The following ABHD15 variants were observed in gnomAD, a reference collection of about 807,000 sequenced individuals.
ABHD15 encodes the protein abhydrolase domain containing 15.
Under a neutral mutation model 34.4 loss-of-function variants are expected in ABHD15, and 34 were observed. The ratio of observed to expected loss-of-function variants is 0.99; its 90% confidence interval spans 0.75 to 1.32. The LOEUF is 1.32. ABHD15 is among the 40% of genes most tolerant of loss of function. The pLI, the probability that ABHD15 is intolerant of heterozygous loss-of-function variation, is 0.00. For missense variants in ABHD15, 644 were observed against 650.4 expected (o/e 0.99, Z 0.11); for synonymous variants, 314 against 299.2 (o/e 1.05, Z -0.51).
Position 29,566,918 on chromosome 17 carries a change from G to C in ABHD15, c.49C>G (p.Leu17Val), listed in dbSNP as rs1019363003. The change falls in exon 1 of 2, where the codon CTT becomes GTT. Residue 17 changes from leucine (L) to valine (V), a missense_variant. Physicochemically the swap from Leu to Val is conservative, Grantham distance 32 (BLOSUM62 1). Transcript: ENST00000307201. Reference sequence around the variant, plus strand: ...AGCCGCGGGCCGAGCAGGCCGAGAAGGGCGAGCACGGCCAAGATGAGCGCG... The same window carrying C: ...AGCCGCGGGCCGAGCAGGCCGAGAACGGCGAGCACGGCCAAGATGAGCGCG... ...ALALILAVLA[L>V]LGLLGPRLRG... is the part of the protein sequence containing the mutation. 42 of 1,483,920 alleles carry C rather than the reference G, an allele frequency of 2.8e-5. No homozygotes were observed. The highest frequency in any genetic ancestry group is 3.7e-5 in the Non-Finnish European group (42 of 1,126,182). The allele number at this position is 1,483,920 out of a possible 1,614,324, so 91.9% of individuals were successfully genotyped here.
Position 29,566,503 on chromosome 17 carries a change from C to A in ABHD15, c.464G>T (p.Gly155Val). The change falls in exon 1 of 2, where the codon GGC becomes GTC. Residue 155 changes from glycine to valine, a missense_variant. Physicochemically the swap from Gly to Val is moderately radical, Grantham distance 109. Transcript: ENST00000307201. ...GATCACCAGAAGCACCGCAGGAAGG[C>A]CCCCGGCGCTGGTGATCCGGCGGCC... is the stretch of plus-strand genomic sequence containing the variant. ...VRGRRITSAGGLPAVLLVIPN... is the reference protein window; with the variant it reads ...VRGRRITSAGVLPAVLLVIPN... 5 of 1,610,836 alleles carry A rather than the reference C, an allele frequency of 3.1e-6. No homozygotes were observed. Among genetic ancestry groups the A allele is most frequent in the Non-Finnish European group, 4.2e-6 (5 of 1,179,612 alleles).
At position 29,562,804 on chromosome 17, in the gene ABHD15, G is replaced by C. The variant is rs567633454; in HGVS notation, c.1164C>G (p.His388Gln). 2 of 1,613,366 alleles carry C rather than the reference G, an allele frequency of 1.2e-6. No individual in the cohort carries two copies. Among genetic ancestry groups the C allele is most frequent in the Non-Finnish European group, 1.7e-6 (2 of 1,179,400 alleles). Residue 388 changes from histidine (H) to glutamine (Q), a missense_variant, in exon 2 of 2, where the codon CAC (histidine) becomes CAG (glutamine). Physicochemically the swap from His to Gln is conservative, Grantham distance 24 (BLOSUM62 0). Transcript: ENST00000307201. ...NPYFFLLLSR[H>Q]GGHCGFLRQE... The stretch of plus-strand genomic sequence containing the variant: ...GGCGCAGGAAGCCACAGTGGCCTCC[G>C]TGGCGACTGAGCAGGAGGAAGAAGT...
rs1011829753 is a variant in ABHD15 at position 29,566,731 on chromosome 17, A to G, written c.236T>C (p.Leu79Pro). 1 of 1,565,796 alleles carries G rather than the reference A, an allele frequency of 6.4e-7. No individual in the cohort carries two copies. Among genetic ancestry groups the G allele is most frequent in the Admixed American group, 1.8e-5 (1 of 54,436 alleles). ...CAGGGCGCGCAGCAGGCACTGGGCC[A>G]GGGCCGACGGCTTGCAAACAAGGCT... Reference protein sequence around the residue: ...GCSLVCKPSALAQCLLRALRR... With the variant: ...GCSLVCKPSAPAQCLLRALRR... The change falls in exon 1 of 2, where the codon CTG becomes CCG. Residue 79 changes from leucine (L) to proline (P), a missense_variant. Coordinates refer to ENST00000307201, the MANE Select transcript of ABHD15 (RefSeq NM_198147.3).
intron 1 of ABHD15, among the ~76,000 whole-genome samples, chr17:29,564,899 A>C (rs2032678056): frequency 6.6e-6 from 1 of 152,140 alleles, no homozygotes; most frequent in South Asian, 2.1e-4. Flanking sequence ...TCAAGGCTGC[A>C]ATGAGTGGTG....
rs924408839 is a variant in ABHD15 at position 29,566,809 on chromosome 17, C to T, written c.158G>A (p.Gly53Glu). The T allele has an allele frequency of 2.2e-5, 33 of 1,515,592 alleles. No homozygotes were observed. Among genetic ancestry groups the T allele is most frequent in the Admixed American group, 6.1e-5 (3 of 49,390 alleles). The allele number at this position is 1,515,592 out of a possible 1,614,324, so 93.9% of individuals were successfully genotyped here. A position where few individuals can be genotyped will look rare whatever the true frequency, so the allele number is the denominator to read the frequency against. ...GTCGCTGAACTGGTCCGCCGGGCCTCCGCCGTCCGCCTCCTCCCCGTCGTC... is the reference window on the plus strand; with the variant it reads ...GTCGCTGAACTGGTCCGCCGGGCCTTCGCCGTCCGCCTCCTCCCCGTCGTC... ...DRDDGEEADGGGPADQFSDGR... is the reference protein window; with the variant it reads ...DRDDGEEADGEGPADQFSDGR... The change falls in exon 1 of 2, where the codon GGA becomes GAA. Residue 53 changes from glycine to glutamate, a missense_variant. Gly to Glu is a moderately conservative substitution (Grantham distance 98). Transcript: ENST00000307201.
chr17:29,566,987 G>A lies in ABHD15; in HGVS notation c.-21C>T. On this transcript the variant is annotated 5_prime_UTR_variant, in exon 1 of 2. Coordinates refer to ENST00000307201, the MANE Select transcript of ABHD15 (RefSeq NM_198147.3). ...GGCATGGCGAAGCTGGAGAGCCCCG[G>A]CGGGCAGCGGGCGGCGGGGCCGTCT... 1.5e-6 allele frequency: 2 copies of A among 1,293,180 alleles called. No individual in the cohort carries two copies. The highest frequency in any genetic ancestry group is 9.7e-7 in the Non-Finnish European group (1 of 1,026,182). The allele number at this position is 1,293,180 out of a possible 1,614,324, so 80.1% of individuals were successfully genotyped here.
At position 29,562,100 on chromosome 17, in the gene ABHD15, A is replaced by T. The variant is rs1268470550; in HGVS notation, c.*461T>A. 1 of 154,256 alleles carries T rather than the reference A, an allele frequency of 6.5e-6. No homozygotes were observed. The highest frequency in any genetic ancestry group is 1.4e-5 in the Non-Finnish European group (1 of 69,404). The allele number at this position is 154,256 out of a possible 1,614,324, so 9.6% of individuals were successfully genotyped here. A position where few individuals can be genotyped will look rare whatever the true frequency, so the allele number is the denominator to read the frequency against. ...AGCAGGGCGCCACAACCACAGAGCA[A>T]ATGAGGGAAGTGGGGCCGAGACACA... On this transcript the variant is annotated 3_prime_UTR_variant, in exon 2 of 2. Coordinates refer to ENST00000307201, the MANE Select transcript of ABHD15 (RefSeq NM_198147.3).
intron 1 of ABHD15, among the ~76,000 whole-genome samples, chr17:29,564,471 G>A (rs1374940676): frequency 6.6e-6 from 1 of 152,160 alleles, no homozygotes; most frequent in Admixed American, 6.5e-5. Context: ...CTAGACCCCT[G>A]GAGAGGGCTT....
At chr17:29,565,328 T>C (rs1217482102) in intron 1 of ABHD15, among the ~76,000 whole-genome samples, 1 of 152,080 alleles carries the variant, frequency 6.6e-6, no homozygotes, top group Non-Finnish European at 1.5e-5. Flanking sequence ...TGTATATATA[T>C]ATATAACATT....
chr17:29,562,957 G>A lies in ABHD15; in HGVS notation c.1011C>T (p.Asp337=). ...SFPISWDTYW[D]RNDPLRDVDE... is the part of the protein sequence containing the mutation. Reference sequence around the variant, plus strand: ...CGACATCCCGGAGCGGGTCGTTGCGGTCCCAGTAGGTATCCCAGCTGATGG... The same window carrying A: ...CGACATCCCGGAGCGGGTCGTTGCGATCCCAGTAGGTATCCCAGCTGATGG... The change falls in exon 2 of 2, where the codon GAC becomes GAT. Residue 337 remains aspartate (D), a synonymous_variant. Coordinates refer to ENST00000307201, the MANE Select transcript of ABHD15 (RefSeq NM_198147.3). 2 of 1,614,094 alleles carry A rather than the reference G, an allele frequency of 1.2e-6. No individual in the cohort carries two copies. Among genetic ancestry groups the A allele is most frequent in the Non-Finnish European group, 1.7e-6 (2 of 1,180,046 alleles).
chr17:29,562,830 A>G lies in ABHD15; in HGVS notation c.1138T>C (p.Tyr380His). The part of the protein sequence containing the change: ...LTTELFHSNP[Y>H]FFLLLSRHGG... ...TGGCGACTGAGCAGGAGGAAGAAGT[A>G]GGGGTTGCTGTGGAAGAGTTCAGTT... The change falls in exon 2 of 2, where the codon TAC becomes CAC. Residue 380 changes from tyrosine (Y) to histidine (H), a missense_variant. By Grantham distance (83) the Tyr-to-His change is moderately conservative. Coordinates refer to ENST00000307201, the MANE Select transcript of ABHD15 (RefSeq NM_198147.3). 6.2e-7 allele frequency: 1 copy of G among 1,613,712 alleles called. No individual in the cohort carries two copies. Among genetic ancestry groups the G allele is most frequent in the East Asian group, 2.2e-5 (1 of 44,860 alleles).
In ABHD15 at chr17:29,562,651, A is replaced by G. The variant is rs138073270; in HGVS notation, c.1317T>C (p.Arg439=). The G allele has an allele frequency of 1.2e-3, 2,015 of 1,614,030 alleles. 19 individuals are homozygous for G. The African/African-American group carries it at 0.022, about 18-fold the overall frequency. The change falls in exon 2 of 2, where the codon CGT becomes CGC. Residue 439 remains arginine (R), a synonymous_variant. Coordinates refer to ENST00000307201, the MANE Select transcript of ABHD15 (RefSeq NM_198147.3). ...GCCTCTGCAAGGCTCCCCCACGACG[A>G]CGGCCCCCAAGGAAGGAAGCTCTGT... ...SRHRASFLGG[R]RRGGALQRRE...
rs2032629649 is a variant in ABHD15, at chr17:29,561,656, C to T, written c.*905G>A. 6.6e-6 allele frequency: 1 copy of T among 152,536 alleles called. No homozygotes were observed. Among genetic ancestry groups the T allele is most frequent in the Non-Finnish European group, 1.5e-5 (1 of 68,034 alleles). The allele number at this position is 152,536 out of a possible 1,614,324, so 9.4% of individuals were successfully genotyped here. Reference sequence around the variant, plus strand: ...AAAGGGAGCAACCAACCAGAAAACACCTAAGTTATGAGGTTTGTGCTTTTC... The same window carrying T: ...AAAGGGAGCAACCAACCAGAAAACATCTAAGTTATGAGGTTTGTGCTTTTC... On this transcript the variant is annotated 3_prime_UTR_variant, in exon 2 of 2. Coordinates refer to ENST00000307201, the MANE Select transcript of ABHD15 (RefSeq NM_198147.3).
rs368102267 is a variant in ABHD15, at chr17:29,562,731, G to A, written c.1237C>T (p.Arg413Trp). The change falls in exon 2 of 2, where the codon CGG becomes TGG. Residue 413 changes from arginine (R) to tryptophan (W), a missense_variant. Coordinates refer to ENST00000307201, the MANE Select transcript of ABHD15 (RefSeq NM_198147.3). Reference sequence around the variant, plus strand: ...GTTCGGAAGAACTCAGTCAAGGCCCGGAAGGACTCCAAGATGACCTCATGG... The same window carrying A: ...GTTCGGAAGAACTCAGTCAAGGCCCAGAAGGACTCCAAGATGACCTCATGG... ...WSHEVILESFRALTEFFRTEE... is the reference protein window; with the variant it reads ...WSHEVILESFWALTEFFRTEE... 1.3e-5 allele frequency: 21 copies of A among 1,614,036 alleles called. No individual in the cohort carries two copies. Among genetic ancestry groups the A allele is most frequent in the Non-Finnish European group, 1.7e-5 (20 of 1,180,026 alleles).
rs184993603 is a variant in ABHD15, at chr17:29,563,224, G to A, written c.882-138C>T. ...GCTTTCTTTGGCCATTTAGGGCTTC[G>A]AAAACGTTTAATTTCATGGCCATCA... On this transcript the variant is annotated intron_variant, in intron 1 of 1. Coordinates refer to ENST00000307201, the MANE Select transcript of ABHD15 (RefSeq NM_198147.3). The A allele has an allele frequency of 8.8e-4, 852 of 970,840 alleles. 8 individuals carry two copies. In the South Asian group the frequency reaches 9.7e-3, roughly 11 times the overall value. The allele number at this position is 970,840 out of a possible 1,614,324, so 60.1% of individuals were successfully genotyped here. A position where few individuals can be genotyped will look rare whatever the true frequency, so the allele number is the denominator to read the frequency against.
intron 1 of ABHD15, among the ~76,000 whole-genome samples, chr17:29,565,867 C>G (rs1034895951): frequency 3.9e-5 from 6 of 152,234 alleles, no homozygotes; most frequent in Non-Finnish European, 7.3e-5. Flanking sequence ...AGTCCCTGCT[C>G]TAGCACAGCG....
rs1471413292 is a variant in ABHD15 at position 29,562,967 on chromosome 17, G to C, written c.1001C>G (p.Thr334Ser). Residue 334 changes from threonine (T) to serine (S), a missense_variant, in exon 2 of 2, where the codon ACC becomes AGC. Physicochemically the swap from Thr to Ser is moderately conservative, Grantham distance 58. Coordinates refer to ENST00000307201, the MANE Select transcript of ABHD15 (RefSeq NM_198147.3). The part of the protein sequence containing the change: ...HTKSFPISWD[T>S]YWDRNDPLRD... Reference sequence around the variant, plus strand: ...GAGCGGGTCGTTGCGGTCCCAGTAGGTATCCCAGCTGATGGGGAAGCTTTT... The same window carrying C: ...GAGCGGGTCGTTGCGGTCCCAGTAGCTATCCCAGCTGATGGGGAAGCTTTT... The C allele has an allele frequency of 1.9e-6, 3 of 1,613,918 alleles. No homozygotes were observed. Among genetic ancestry groups the C allele is most frequent in the Non-Finnish European group, 2.5e-6 (3 of 1,180,052 alleles).
chr17:29,565,690 A>G (rs535376068), intron 1 of ABHD15, among the ~76,000 whole-genome samples: 1 of 152,324 alleles, frequency 6.6e-6, no homozygotes, highest in South Asian at 2.1e-4. Flanking sequence ...GTGAGTAAAC[A>G]TTCTGGGCAG....
chr17:29,563,761 G>A (rs887251744), intron 1 of ABHD15, among the ~76,000 whole-genome samples: 1 of 152,136 alleles, frequency 6.6e-6, no homozygotes, highest in African/African-American at 2.4e-5. Flanking sequence ...TTGGGAGGCT[G>A]AGGCAGGAGA....
Sources: allele counts gnomAD v4.1 joint callset (sites outside exome capture counted in the v4.1 genomes callset), GRCh38; gene constraint gnomAD v4.1.1; transcripts MANE v1.5; gene names NCBI Gene and HGNC (gene_info 2026-07-23, HGNC 2026-07-21).